DAGLB: variants seen among roughly 807,000 people sequenced by gnomAD.
DAGLB encodes diacylglycerol lipase-beta.
A neutral mutation model predicts 72.1 loss-of-function variants in DAGLB; 66 were observed. That is an observed-to-expected ratio of 0.92 (90% confidence interval 0.75 to 1.12). DAGLB has a LOEUF of 1.12. Ranked by LOEUF, DAGLB falls within the 50% of genes most tolerant of loss-of-function variation. The probability of loss-of-function intolerance (pLI) is 0.00; values close to 1 mark genes in which losing one functional copy is unlikely to be tolerated. For missense variants in DAGLB, 1,065 were observed against 884.9 expected (o/e 1.20, Z -2.58); for synonymous variants, 414 against 359.5 (o/e 1.15, Z -1.71).
chr7:6,434,785 C>G lies in DAGLB; in HGVS notation c.655G>C (p.Glu219Gln), dbSNP rs780307587. 3.1e-6 allele frequency: 5 copies of G among 1,614,084 alleles called. No homozygotes were observed. The highest frequency in any genetic ancestry group is 4.2e-6 in the Non-Finnish European group (5 of 1,180,054). The change falls in exon 4 of 15, where the codon GAG becomes CAG. Residue 219 changes from glutamate to glutamine, a missense_variant. Coordinates refer to ENST00000297056, the MANE Select transcript of DAGLB (RefSeq NM_139179.4). ...ACTGAAAAGTAGGTTGAGAAAAGCTCTGCCGTACTCGAAAAAGCAACCCGA... is the reference window on the plus strand; with the variant it reads ...ACTGAAAAGTAGGTTGAGAAAAGCTGTGCCGTACTCGAAAAAGCAACCCGA... The part of the protein sequence containing the change: ...HTRVAFSSTA[E>Q]LFSTYFSDTD...
intron 4 of DAGLB, among the ~76,000 whole-genome samples, chr7:6,433,185 C>G (rs777753030): frequency 3.3e-5 from 5 of 152,210 alleles, no homozygotes; most frequent in Admixed American, 6.5e-5. Flanking sequence ...TATAAAAATG[C>G]TATTCGTCTG....
chr7:6,424,323 G>C (rs1300511524), intron 8 of DAGLB, among the ~76,000 whole-genome samples: 1 of 152,216 alleles, frequency 6.6e-6, no homozygotes, highest in Non-Finnish European at 1.5e-5. Context: ...GGGCCTGTGA[G>C]GATCCAAACC....
intron 4 of DAGLB, among the ~76,000 whole-genome samples, chr7:6,434,530 G>A (rs762312574): frequency 2.6e-5 from 4 of 152,092 alleles, no homozygotes; most frequent in Non-Finnish European, 4.4e-5. Context: ...GTAGTGAGTG[G>A]GTGTCAATAC....
rs73341299 is a variant in DAGLB, at chr7:6,409,568, C to T, written c.*269G>A. 9.0e-3 allele frequency: 4,615 copies of T among 513,086 alleles called. 167 individuals carry two copies. Among genetic ancestry groups the T allele is most frequent in the African/African-American group, 0.079 (4,133 of 52,016 alleles). 31.8% of individuals were successfully genotyped at this position (513,086 alleles called of 1,614,324 possible). A position where few individuals can be genotyped will look rare whatever the true frequency, so the allele number is the denominator to read the frequency against. ...CTCAGACAGCCAAGGGATCCATCCA[C>T]GGGCCAGGGCTTCCCGAGGCTGTCT... On this transcript the variant is annotated 3_prime_UTR_variant, in exon 15 of 15. Transcript: ENST00000297056.
intron 2 of DAGLB, among the ~76,000 whole-genome samples, chr7:6,437,641 T>G (rs1392998383): frequency 6.6e-6 from 1 of 151,860 alleles, no homozygotes; most frequent in Non-Finnish European, 1.5e-5. Flanking sequence ...TGGGCGTTTT[T>G]TGGTTAATTT....
rs767674693 is a variant in DAGLB, at chr7:6,410,155, G to A, written c.1795C>T (p.Leu599=). The change falls in exon 14 of 15, where the codon CTG becomes TTG. Residue 599 remains leucine, a synonymous_variant. Transcript: ENST00000297056. ...PLYPPGRIIH[L]QEEGASGRFG... ...CGCCCCGAGGCGCCCTCCTCCTGCA[G>A]GTGGATGATCCTGCCGGGAGGGTAG... 6.3e-7 allele frequency: 1 copy of A among 1,578,522 alleles called. No homozygotes were observed. Among genetic ancestry groups the A allele is most frequent in the Non-Finnish European group, 8.6e-7 (1 of 1,159,132 alleles).
intron 2 of DAGLB, among the ~76,000 whole-genome samples, chr7:6,438,062 A>G (rs1399630095): frequency 1.3e-5 from 2 of 152,214 alleles, no homozygotes; most frequent in Admixed American, 1.3e-4. Flanking sequence ...AGGGACATGG[A>G]TGAAGCTGGA....
At chr7:6,430,116 C>T (rs1784432768) in intron 6 of DAGLB, among the ~76,000 whole-genome samples, 1 of 150,582 alleles carries the variant, frequency 6.6e-6, no homozygotes, top group Non-Finnish European at 1.5e-5. Context: ...GAGCCAGTAG[C>T]ACCGCTTGAG....
chr7:6,424,336 G>C (rs1784231778), intron 8 of DAGLB, among the ~76,000 whole-genome samples: 1 of 152,138 alleles, frequency 6.6e-6, no homozygotes, highest in South Asian at 2.1e-4. Flanking sequence ...TCCAAACCGG[G>C]AGCCTCCAGC....
chr7:6,437,397 G>GT, intron 2 of DAGLB, among the ~76,000 whole-genome samples: 1 of 152,056 alleles, frequency 6.6e-6, no homozygotes, highest in East Asian at 1.9e-4. Context: ...CTCATTTTAC[G>GT]TATGAGCAAG....
intron 2 of DAGLB, among the ~76,000 whole-genome samples, chr7:6,439,081 C>T (rs836544): frequency 0.26 from 40,037 of 151,508 alleles, 6,989 homozygotes; most frequent in African/African-American, 0.49. Flanking sequence ...ATGGTGAAAC[C>T]TCATCTCTAC....
intron 4 of DAGLB, 127 bp from the exon 5 acceptor site, chr7:6,433,086 T>C (rs1191907435): frequency 2.7e-5 from 37 of 1,384,040 alleles, no homozygotes; most frequent in Non-Finnish European, 3.0e-5. Context: ...CACAGAGGTA[T>C]GTTAAAAAGA....
intron 7 of DAGLB, 132 bp downstream of exon 7, chr7:6,425,856 T>G: frequency 7.0e-7 from 1 of 1,434,704 alleles, no homozygotes; most frequent in African/African-American, 1.4e-5. Flanking sequence ...CCCTCTGAAA[T>G]AGTACACAGG....
At chr7:6,416,111 G>A (rs1244806732) in intron 11 of DAGLB, 2 of 152,200 alleles carry the variant, frequency 1.3e-5, no homozygotes, top group African/African-American at 2.4e-5. Context: ...CAGTTTTGCT[G>A]TCAGCCTAAA....
At chr7:6,415,605 A>C (rs1214899482) in intron 11 of DAGLB, among the ~76,000 whole-genome samples, 1 of 121,748 alleles carries the variant, frequency 8.2e-6, no homozygotes, top group African/African-American at 3.6e-5. Context: ...TTGGGAGGCC[A>C]AGGTGGCGGA....
At position 6,425,994 on chromosome 7, in the gene DAGLB, A is replaced by G. The variant is rs1371686054; in HGVS notation, c.1050T>C (p.His350=). The G allele has an allele frequency of 1.2e-6, 2 of 1,614,122 alleles. No homozygotes were observed. Among genetic ancestry groups the G allele is most frequent in the Non-Finnish European group, 8.5e-7 (1 of 1,179,964 alleles). Reference sequence around the variant, plus strand: ...CTGTCTGCAGCGTCCACACCTTGTCATGGAAGCTGACGTGGATGAAGTCCC... The same window carrying G: ...CTGTCTGCAGCGTCCACACCTTGTCGTGGAAGCTGACGTGGATGAAGTCCC... ...QYRDFIHVSF[H]DKVYELPFLV... is the part of the protein sequence containing the mutation. The change falls in exon 7 of 15, where the codon CAT becomes CAC. Residue 350 remains histidine (H), a synonymous_variant. Coordinates refer to ENST00000297056, the MANE Select transcript of DAGLB (RefSeq NM_139179.4).
rs572423148 is a variant in DAGLB, at chr7:6,416,521, C to T, written c.1427+106G>A. 2,817 of 1,485,350 alleles carry T rather than the reference C, an allele frequency of 1.9e-3. 8 individuals carry two copies. Among genetic ancestry groups the T allele is most frequent in the Middle Eastern group, 0.014 (55 of 3,912 alleles). The allele number at this position is 1,485,350 out of a possible 1,614,324, so 92.0% of individuals were successfully genotyped here. A position where few individuals can be genotyped will look rare whatever the true frequency, so the allele number is the denominator to read the frequency against. On this transcript the variant is annotated intron_variant, in intron 11 of 14. Coordinates refer to ENST00000297056, the MANE Select transcript of DAGLB (RefSeq NM_139179.4). ...TCACGCCACTGCACTCCAGCCTGGG[C>T]GACAGAGCAAGACTTCATCTCAGGA...
chr7:6,428,803 A>G (rs939833960), intron 6 of DAGLB, among the ~76,000 whole-genome samples: 4 of 151,740 alleles, frequency 2.6e-5, no homozygotes, highest in African/African-American at 4.8e-5. Context: ...AGACATATAT[A>G]TTTATTTAAT....
chr7:6,410,525 C>T (rs956433036), intron 13 of DAGLB, 145 bp from the exon 14 acceptor site: 28 of 1,278,576 alleles, frequency 2.2e-5, no homozygotes, highest in Admixed American at 2.8e-5. Flanking sequence ...GATGCACCGG[C>T]GAGCTGTGCT....
Sources: allele counts gnomAD v4.1 joint callset (sites outside exome capture counted in the v4.1 genomes callset), GRCh38; gene constraint gnomAD v4.1.1; transcripts MANE v1.5; gene names NCBI Gene and HGNC (gene_info 2026-07-23, HGNC 2026-07-21).